Variants in ZNF567 observed in about 807,000 individuals in gnomAD.
ZNF567 encodes zinc finger protein 567.
In ZNF567, 36 loss-of-function variants were observed where a neutral mutation model predicts 53.9. The observed-to-expected ratio is 0.67, with a 90% CI of 0.51 to 0.88. The LOEUF (loss-of-function observed/expected upper bound fraction) is 0.88, where lower values mean the gene tolerates loss of function less well. Ranked by LOEUF, ZNF567 falls within the 40% of genes least tolerant of loss-of-function variation. The pLI, the probability that ZNF567 is intolerant of heterozygous loss-of-function variation, is 0.00. For synonymous variants in ZNF567, 224 were observed against 260.4 expected (o/e 0.86, Z 1.35); for missense variants, 619 against 764.7 (o/e 0.81, Z 2.25).
chr19:36,673,310 A>G, the ZNF567 span, among the ~76,000 whole-genome samples: 4 of 152,222 alleles, frequency 2.6e-5, no homozygotes, highest in Non-Finnish European at 5.9e-5. Flanking sequence ...TGGACTTATG[A>G]TGGTTAATTT....
At chr19:36,726,264 T>C (rs1167270250), downstream of ZNF567, among the ~76,000 whole-genome samples, 1 of 152,254 alleles carries the variant, frequency 6.6e-6, no homozygotes, top group African/African-American at 2.4e-5. Flanking sequence ...TCTGACATCA[T>C]TGTCATTTTC....
chr19:36,716,805 A>G (rs1331245357), intron 5 of ZNF567, among the ~76,000 whole-genome samples: 1 of 152,174 alleles, frequency 6.6e-6, no homozygotes, highest in Non-Finnish European at 1.5e-5. Flanking sequence ...ACACCACCTA[A>G]CTATGAGTAT....
the ZNF567 span, among the ~76,000 whole-genome samples, chr19:36,679,767 C>CT: frequency 6.6e-6 from 1 of 151,478 alleles, no homozygotes; most frequent in African/African-American, 2.4e-5. Flanking sequence ...CATGTGGAAT[C>CT]TAAAAAGTTG....
chr19:36,685,499 C>T (rs2038247957), upstream of ZNF567: 1 of 150,668 alleles, frequency 6.6e-6, no homozygotes, highest in African/African-American at 2.5e-5. Flanking sequence ...CAAAGTTGGT[C>T]AAGACATGGG....
intron 3 of ZNF567, among the ~76,000 whole-genome samples, chr19:36,699,935 C>G (rs1237813556): frequency 8.9e-6 from 1 of 112,380 alleles, no homozygotes; most frequent in Non-Finnish European, 1.8e-5. Context: ...GCCTAATTGC[C>G]CTGGCCAGAA....
upstream of ZNF567, among the ~76,000 whole-genome samples, chr19:36,684,978 G>C (rs1297576252): frequency 6.6e-6 from 1 of 152,086 alleles, no homozygotes; most frequent in African/African-American, 2.4e-5. Context: ...AACTGGAAAG[G>C]GGAAAACAGA....
chr19:36,719,568 C>G lies in ZNF567; in HGVS notation c.844C>G (p.Gln282Glu), dbSNP rs1039628383. 6.2e-7 allele frequency: 1 copy of G among 1,613,888 alleles called. No homozygotes were observed. The highest frequency in any genetic ancestry group is 1.3e-5 in the African/African-American group (1 of 74,890). Reference sequence around the variant, plus strand: ...AATTCACTCAGAAGAAAAACCCTATCAATGTCATCAATGTGGAAATGCATT... The same window carrying G: ...AATTCACTCAGAAGAAAAACCCTATGAATGTCATCAATGTGGAAATGCATT... ...QGIHSEEKPY[Q>E]CHQCGNAFRR... The change falls in exon 6 of 6, where the codon CAA becomes GAA. Residue 282 changes from glutamine (Q) to glutamate (E), a missense_variant. Coordinates refer to ENST00000682579, the MANE Select transcript of ZNF567 (RefSeq NM_001322917.1).
Position 36,719,280 on chromosome 19 carries a change from C to CA in ZNF567, c.559dup (p.Ser187LysfsTer8). Reference sequence around the variant, plus strand: ...TCATCCTGAAGTCAAATCCCATAATCAAAGTGCCAGAGCTTTCAGTCATAA... The same window carrying CA: ...TCATCCTGAAGTCAAATCCCATAATCAAAAGTGCCAGAGCTTTCAGTCATAA... On this transcript the variant is annotated frameshift_variant, in exon 6 of 6. Transcript: ENST00000682579. LOFTEE classifies it high-confidence loss of function. The CA allele has an allele frequency of 6.2e-7, 1 of 1,613,968 alleles. No individual in the cohort carries two copies.
intron 2 of ZNF567, among the ~76,000 whole-genome samples, chr19:36,691,885 C>T (rs961676059): frequency 6.6e-6 from 1 of 152,166 alleles, no homozygotes; most frequent in Non-Finnish European, 1.5e-5. Context: ...TGAGCTCATG[C>T]AATCCTCCTG....
At chr19:36,685,920 C>T (rs1405533240), upstream of ZNF567, 1 of 152,250 alleles carries the variant, frequency 6.6e-6, no homozygotes, top group East Asian at 1.9e-4. Flanking sequence ...AAGATGGTCT[C>T]CCTGAAATTT....
intron 3 of ZNF567, 33 bp downstream of exon 3, chr19:36,694,909 G>GT: frequency 3.8e-6 from 5 of 1,327,470 alleles, no homozygotes; most frequent in South Asian, 1.4e-5. Context: ...CTTTCTGAAA[G>GT]TCTTTTTTTT....
At chr19:36,723,499 A>C (rs915168298), downstream of ZNF567, among the ~76,000 whole-genome samples, 9 of 152,198 alleles carry the variant, frequency 5.9e-5, no homozygotes, top group Non-Finnish European at 1.0e-4. Context: ...AAGAACTAGA[A>C]AGTATGAGAT....
At chr19:36,675,312 G>T in the ZNF567 span, among the ~76,000 whole-genome samples, 1 of 152,146 alleles carries the variant, frequency 6.6e-6, no homozygotes, top group Non-Finnish European at 1.5e-5. Context: ...GGCTGAAGCA[G>T]GAGGATTGCT....
chr19:36,723,245 G>A, downstream of ZNF567: 1 of 702,766 alleles, frequency 1.4e-6, no homozygotes, highest in Non-Finnish European at 2.6e-6. Context: ...CAAAGATTTG[G>A]GGAACATGTG....
chr19:36,694,937 T>G (rs369748402), intron 3 of ZNF567, 61 bp downstream of exon 3: 1 of 1,484,424 alleles, frequency 6.7e-7, no homozygotes, highest in Non-Finnish European at 8.9e-7. Flanking sequence ...TTTAAGGATA[T>G]TTGGGCATGT....
At chr19:36,716,036 T>C (rs995352247) in intron 5 of ZNF567, among the ~76,000 whole-genome samples, 11 of 152,212 alleles carry the variant, frequency 7.2e-5, no homozygotes, top group African/African-American at 1.2e-4. Flanking sequence ...ACCATTTGTC[T>C]TTGTGGTAAA....
chr19:36,678,947 C>T, the ZNF567 span, among the ~76,000 whole-genome samples: 1 of 151,792 alleles, frequency 6.6e-6, no homozygotes, highest in Non-Finnish European at 1.5e-5. Context: ...AGCACATATA[C>T]GAAAAATGCT....
At chr19:36,718,856 T>C (rs2040184975) in intron 5 of ZNF567, 92 bp from the exon 6 acceptor site, 1 of 1,069,758 alleles carries the variant, frequency 9.3e-7, no homozygotes, top group Non-Finnish European at 1.3e-6. Flanking sequence ...TCTGAGTCTC[T>C]TTTTGCGCCA....
At chr19:36,712,622 A>C in intron 4 of ZNF567, 110 bp downstream of exon 4, 5 of 1,495,994 alleles carry the variant, frequency 3.3e-6, no homozygotes, top group Non-Finnish European at 4.6e-6. Flanking sequence ...CCTTTTCGTT[A>C]GCAGAATGAA....
Sources: allele counts gnomAD v4.1 joint callset (sites outside exome capture counted in the v4.1 genomes callset), GRCh38; gene constraint gnomAD v4.1.1; transcripts MANE v1.5; gene names NCBI Gene and HGNC (gene_info 2026-07-23, HGNC 2026-07-21).